PLCB4: variants seen among roughly 807,000 people sequenced by gnomAD.
PLCB4 encodes 1-phosphatidylinositol 4,5-bisphosphate phosphodiesterase beta-4.
A neutral mutation model predicts 178.8 loss-of-function variants in PLCB4; 77 were observed. That is an observed-to-expected ratio of 0.43 (90% CI 0.36 to 0.52). PLCB4 has a LOEUF of 0.52. Ranked by LOEUF, PLCB4 falls within the 20% of genes least tolerant of loss-of-function variation. The probability of loss-of-function intolerance (pLI) is 0.00; values close to 1 mark genes in which losing one functional copy is unlikely to be tolerated. For missense variants in PLCB4, 1,024 were observed against 1,453.4 expected (o/e 0.70, Z 4.80); for synonymous variants, 496 against 490.8 (o/e 1.01, Z -0.14).
intron 1 of PLCB4, among the ~76,000 whole-genome samples, chr20:9,076,512 A>G (rs2089875617): frequency 6.6e-6 from 1 of 152,132 alleles, no homozygotes; most frequent in African/African-American, 2.4e-5. Context: ...GTGTACAGAA[A>G]TAGGTGACTT....
chr20:9,413,515 C>T (rs553271798), intron 25 of PLCB4, among the ~76,000 whole-genome samples: 7 of 151,822 alleles, frequency 4.6e-5, no homozygotes, highest in African/African-American at 1.2e-4. Flanking sequence ...AAAAATTAGC[C>T]GGGCGTGGTG....
rs74474252 is a variant in PLCB4 at position 9,432,047 on chromosome 20, C to A, written c.2525-3513C>A. ...GTTGAAAGCCCATCTAAGTATCTACCAGTGGGGAATAGTTTGATATAGAAA... is the reference window on the plus strand; with the variant it reads ...GTTGAAAGCCCATCTAAGTATCTACAAGTGGGGAATAGTTTGATATAGAAA... On this transcript the variant is annotated intron_variant, in intron 28 of 39. Transcript: ENST00000378473. Among the ~76,000 whole-genome samples the A allele has an allele frequency of 1.2e-3, 181 of 152,152 alleles. No homozygotes were observed. The Middle Eastern group carries it at 0.014, about 11-fold the overall frequency.
intron 7 of PLCB4, among the ~76,000 whole-genome samples, chr20:9,344,808 T>G (rs1022972719): frequency 6.6e-6 from 1 of 152,186 alleles, no homozygotes; most frequent in South Asian, 2.1e-4. Context: ...CTCTTTCCAG[T>G]TTGGATCATT....
intron 38 of PLCB4, among the ~76,000 whole-genome samples, chr20:9,475,423 A>G (rs956078719): frequency 6.6e-6 from 1 of 152,190 alleles, no homozygotes; most frequent in African/African-American, 2.4e-5. Flanking sequence ...TGATAGCTGT[A>G]TTGATTAGAT....
At chr20:9,375,784 A>G (rs911710997) in intron 12 of PLCB4, among the ~76,000 whole-genome samples, 5 of 152,136 alleles carry the variant, frequency 3.3e-5, no homozygotes, top group Non-Finnish European at 7.4e-5. Context: ...AAACTGTTTG[A>G]AGTAATTAGA....
intron 2 of PLCB4, among the ~76,000 whole-genome samples, chr20:9,210,602 G>T (rs1477494526): frequency 6.6e-6 from 1 of 152,132 alleles, no homozygotes; most frequent in East Asian, 1.9e-4. Context: ...GCAGCATTCT[G>T]TTGCCACATC....
intron 2 of PLCB4, among the ~76,000 whole-genome samples, chr20:9,196,039 A>G (rs2093467993): frequency 6.6e-6 from 1 of 152,234 alleles, no homozygotes. Flanking sequence ...TGCAAAAAGC[A>G]GACGTTACAG....
intron 1 of PLCB4, among the ~76,000 whole-genome samples, chr20:9,089,235 T>A (rs2146559041): frequency 6.6e-6 from 1 of 152,096 alleles, no homozygotes; most frequent in Admixed American, 6.5e-5. Flanking sequence ...AATTTAATTT[T>A]GACTAGTTAA....
intron 10 of PLCB4, among the ~76,000 whole-genome samples, 167 bp downstream of exon 10, chr20:9,371,462 C>G (rs1219494117): frequency 1.3e-5 from 2 of 152,064 alleles, no homozygotes; most frequent in Non-Finnish European, 2.9e-5. Context: ...TCCTCCCTCT[C>G]CCTTCCTCTC....
chr20:9,456,784 G>T (rs1168806973), intron 33 of PLCB4, among the ~76,000 whole-genome samples: 1 of 152,180 alleles, frequency 6.6e-6, no homozygotes, highest in Non-Finnish European at 1.5e-5. Context: ...ATTCTGACTT[G>T]AGCTATAATA....
At chr20:9,377,683 G>A (rs2036790539) in intron 12 of PLCB4, among the ~76,000 whole-genome samples, 1 of 152,118 alleles carries the variant, frequency 6.6e-6, no homozygotes. Flanking sequence ...CCATTTTAGG[G>A]CTTGGTTTTC....
Position 9,325,975 on chromosome 20 carries a change from TTTCCCGA to T in PLCB4, c.85-11146_85-11140del, listed in dbSNP as rs375493586. Among the ~76,000 whole-genome samples the T allele has an allele frequency of 1.2e-3, 187 of 152,308 alleles. 1 individual carries two copies. The highest frequency in any genetic ancestry group is 4.2e-3 in the African/African-American group (176 of 41,562). ...AGATTCGGTGTCTGATAAGAGCCCA[TTTCCCGA>T]TTCCAAGATGACACGTTCTTGCTGT... On this transcript the variant is annotated intron_variant, in intron 4 of 39. Coordinates refer to ENST00000378473, the MANE Select transcript of PLCB4 (RefSeq NM_001377142.1).
intron 7 of PLCB4, among the ~76,000 whole-genome samples, chr20:9,356,172 C>T (rs879438952): frequency 7.6e-4 from 116 of 152,126 alleles, no homozygotes; most frequent in Non-Finnish European, 1.3e-3. Context: ...TGTTTGAGTT[C>T]ATTGTAGATT....
intron 7 of PLCB4, among the ~76,000 whole-genome samples, chr20:9,351,298 G>T (rs1357371096): frequency 2.0e-5 from 3 of 152,032 alleles, no homozygotes; most frequent in Non-Finnish European, 2.9e-5. Context: ...AACAGAAGAA[G>T]TATTATTCTT....
At chr20:9,315,653 C>T (rs6056526) in intron 4 of PLCB4, among the ~76,000 whole-genome samples, 17,861 of 152,128 alleles carry the variant, frequency 0.12, 1,120 homozygotes, top group South Asian at 0.2. Context: ...GCTAGATTGG[C>T]CAGGTGCGGT....
intron 2 of PLCB4, among the ~76,000 whole-genome samples, chr20:9,146,657 G>A (rs1460621794): frequency 1.3e-5 from 2 of 152,092 alleles, no homozygotes; most frequent in African/African-American, 2.4e-5. Flanking sequence ...CTAGTTAGAG[G>A]TTAATTGGTA....
At chr20:9,394,313 A>G (rs2038395509) in intron 18 of PLCB4, among the ~76,000 whole-genome samples, 1 of 152,194 alleles carries the variant, frequency 6.6e-6, no homozygotes, top group Non-Finnish European at 1.5e-5. Context: ...TTACAAAAGC[A>G]ATAATGCCAT....
At chr20:9,357,344 G>A (rs1228117180) in intron 7 of PLCB4, among the ~76,000 whole-genome samples, 1 of 152,142 alleles carries the variant, frequency 6.6e-6, no homozygotes, top group Non-Finnish European at 1.5e-5. Flanking sequence ...AAAGGTCAGA[G>A]TTTCCATTCT....
intron 3 of PLCB4, among the ~76,000 whole-genome samples, chr20:9,295,006 T>G (rs2094617639): frequency 6.6e-6 from 1 of 152,080 alleles, no homozygotes; most frequent in Admixed American, 6.6e-5. Context: ...AACCTAAGCC[T>G]CCATTCTCAT....
Sources: allele counts gnomAD v4.1 joint callset (sites outside exome capture counted in the v4.1 genomes callset), GRCh38; gene constraint gnomAD v4.1.1; transcripts MANE v1.5; gene names NCBI Gene and HGNC (gene_info 2026-07-23, HGNC 2026-07-21).